GVQW3: variants seen among roughly 807,000 people sequenced by gnomAD.
GVQW3 encodes protein GVQW3.
GVQW3 carries 7 observed loss-of-function variants against 12.5 expected under a neutral mutation model. The ratio of observed to expected loss-of-function variants is 0.56; its 90% CI spans 0.32 to 1.05. The LOEUF (loss-of-function observed/expected upper bound fraction) is 1.05, where lower values mean the gene tolerates loss of function less well. GVQW3 is among the 50% of genes least tolerant of loss of function. The pLI is 0.04. For synonymous variants in GVQW3, 71 were observed against 67.2 expected (o/e 1.06, Z -0.28); for missense variants, 188 against 190.8 (o/e 0.99, Z 0.09).
At position 76,405,558 on chromosome 11, in the gene GVQW3, T is replaced by C. The variant is rs1421856069; in HGVS notation, c.*1800T>C. On this transcript the variant is annotated 3_prime_UTR_variant, in exon 2 of 2. Transcript: ENST00000529331. Reference sequence around the variant, plus strand: ...CAGACTCATTTCTTTCTGACTGAAGTCTGAGGGCTCTTTCCATTGCCATGC... The same window carrying C: ...CAGACTCATTTCTTTCTGACTGAAGCCTGAGGGCTCTTTCCATTGCCATGC... 4 of 152,192 alleles carry C rather than the reference T, an allele frequency of 2.6e-5. No homozygotes were observed. In the East Asian group the frequency reaches 7.7e-4, roughly 29 times the overall value. 9.4% of individuals were successfully genotyped at this position (152,192 alleles called of 1,614,324 possible).
chr11:76,390,020 G>A (rs1307896453), intron 1 of GVQW3: 1 of 152,146 alleles, frequency 6.6e-6, no homozygotes, highest in African/African-American at 2.4e-5. Flanking sequence ...TCATTGTGGG[G>A]TTTTAAAATG....
chr11:76,394,954 C>G (rs1946926438), intron 1 of GVQW3: 1 of 152,180 alleles, frequency 6.6e-6, no homozygotes, highest in African/African-American at 2.4e-5. Flanking sequence ...TAACACTTAA[C>G]TGAACTTTGT....
At chr11:76,398,785 A>G (rs938732938) in intron 1 of GVQW3, among the ~76,000 whole-genome samples, 12 of 152,178 alleles carry the variant, frequency 7.9e-5, no homozygotes, top group Non-Finnish European at 1.5e-5. Context: ...TTATAGACGT[A>G]TATCTATTAA....
chr11:76,398,785 A>T (rs938732938), intron 1 of GVQW3, among the ~76,000 whole-genome samples: 2 of 152,178 alleles, frequency 1.3e-5, no homozygotes, highest in Admixed American at 1.3e-4. Flanking sequence ...TTATAGACGT[A>T]TATCTATTAA....
Position 76,403,824 on chromosome 11 carries a change from A to G in GVQW3, c.*66A>G. ...ATTCCAGTCTGAGTCCACAGGCCGA[A>G]GAGCGAGGAGTGCTGATGTACAAGG... On this transcript the variant is annotated 3_prime_UTR_variant, in exon 2 of 2. Coordinates refer to ENST00000529331, the MANE Select transcript of GVQW3 (RefSeq NM_001347885.2). 1.5e-6 allele frequency: 1 copy of G among 669,074 alleles called. No individual in the cohort carries two copies. The highest frequency in any genetic ancestry group is 2.7e-6 in the Non-Finnish European group (1 of 364,092). 41.4% of individuals were successfully genotyped at this position (669,074 alleles called of 1,614,324 possible).
chr11:76,408,771 A>G (rs1947063632), downstream of GVQW3: 1 of 152,228 alleles, frequency 6.6e-6, no homozygotes. Flanking sequence ...TTACATTGGC[A>G]GGAAATGGTG....
intron 1 of GVQW3, among the ~76,000 whole-genome samples, chr11:76,384,242 A>C (rs773770128): frequency 5.9e-5 from 9 of 152,246 alleles, no homozygotes; most frequent in Non-Finnish European, 1.2e-4. Context: ...ACACTCATTC[A>C]TCACAGTTAC....
rs1590812777 is a variant in GVQW3, at chr11:76,382,548, C to T, written c.465+255C>T. On this transcript the variant is annotated intron_variant, in intron 1 of 1. Transcript: ENST00000529331. ...GGCTGCTCACGTATTTTTCAGTCTTCACCACTCCTCCCTATGTGCCATGGC... is the reference window on the plus strand; with the variant it reads ...GGCTGCTCACGTATTTTTCAGTCTTTACCACTCCTCCCTATGTGCCATGGC... The T allele has an allele frequency of 1.8e-5, 11 of 602,896 alleles. No individual in the cohort carries two copies. The East Asian group carries it at 3.0e-4, about 17-fold the overall frequency. 37.3% of individuals were successfully genotyped at this position (602,896 alleles called of 1,614,324 possible).
rs1590812190 is a variant in GVQW3 at position 76,382,143 on chromosome 11, G to A, written c.315G>A (p.Arg105=). Residue 105 remains arginine, a synonymous_variant, in exon 1 of 2, where the codon AGG becomes AGA. Coordinates refer to ENST00000529331, the MANE Select transcript of GVQW3 (RefSeq NM_001347885.2). ...EELNLDKETV[R]LILKENLNMR... is the part of the protein sequence containing the mutation. ...TAAATTTAGACAAAGAAACTGTTAG[G>A]CTCATTTTGAAAGAAAACTTGAACA... 2 of 1,536,336 alleles carry A rather than the reference G, an allele frequency of 1.3e-6. No individual in the cohort carries two copies. Among genetic ancestry groups the A allele is most frequent in the Non-Finnish European group, 1.7e-6 (2 of 1,146,956 alleles).
rs187467226 is a variant in GVQW3 at position 76,407,412 on chromosome 11, A to C, written c.*3654A>C. The C allele has an allele frequency of 1.6e-4, 24 of 151,980 alleles. No homozygotes were observed. Among genetic ancestry groups the C allele is most frequent in the African/African-American group, 5.8e-4 (24 of 41,440 alleles). The allele number at this position is 151,980 out of a possible 1,614,324, so 9.4% of individuals were successfully genotyped here. The stretch of plus-strand genomic sequence containing the variant: ...GTCAACATGGTGAAACCCCTTCTCT[A>C]CTAAAAATACAAAAATTAGCTGGGT... On this transcript the variant is annotated 3_prime_UTR_variant, in exon 2 of 2. Transcript: ENST00000529331.
intron 1 of GVQW3, among the ~76,000 whole-genome samples, chr11:76,396,914 A>T (rs1461298810): frequency 1.3e-5 from 2 of 151,782 alleles, no homozygotes; most frequent in African/African-American, 4.8e-5. Context: ...TGGAATCATA[A>T]TATGTAGCCT....
intron 1 of GVQW3, among the ~76,000 whole-genome samples, chr11:76,387,500 G>A (rs1277700474): frequency 6.6e-6 from 1 of 152,082 alleles, no homozygotes; most frequent in South Asian, 2.1e-4. Context: ...TTGGCCCATC[G>A]GCTATAGTTT....
intron 1 of GVQW3, among the ~76,000 whole-genome samples, chr11:76,399,835 A>G (rs1325278109): frequency 1.3e-5 from 2 of 152,084 alleles, no homozygotes; most frequent in Admixed American, 6.6e-5. Context: ...ACTGGAACTT[A>G]CACCACTGGC....
chr11:76,384,898 C>T (rs1946817175), intron 1 of GVQW3, among the ~76,000 whole-genome samples: 1 of 152,210 alleles, frequency 6.6e-6, no homozygotes, highest in South Asian at 2.1e-4. Flanking sequence ...GTAATCCTTG[C>T]TAAGGCCTAC....
chr11:76,404,298 T>C lies in GVQW3; in HGVS notation c.*540T>C, dbSNP rs1332148565. The C allele has an allele frequency of 2.4e-5, 7 of 287,684 alleles. No homozygotes were observed. The highest frequency in any genetic ancestry group is 8.7e-5 in the African/African-American group (4 of 46,228). The allele number at this position is 287,684 out of a possible 1,614,324, so 17.8% of individuals were successfully genotyped here. A position where few individuals can be genotyped will look rare whatever the true frequency, so the allele number is the denominator to read the frequency against. ...AAAACTGAAGCTCAGAAAGGTTGTC[T>C]AAACTGCCAAAGCCATAGAACTTTA... On this transcript the variant is annotated 3_prime_UTR_variant, in exon 2 of 2. Coordinates refer to ENST00000529331, the MANE Select transcript of GVQW3 (RefSeq NM_001347885.2).
At chr11:76,392,793 A>AT (rs1946905413) in intron 1 of GVQW3, 2 of 152,028 alleles carry the variant, frequency 1.3e-5, no homozygotes, top group Admixed American at 6.6e-5. Flanking sequence ...TCTGTCATCC[A>AT]TTTTTTCCAG....
exon 2 of GVQW3, chr11:76,413,247 C>G (rs1321548125): frequency 6.6e-6 from 1 of 152,152 alleles, no homozygotes; most frequent in African/African-American, 2.4e-5. Context: ...TACAAGGCTA[C>G]TTATTGCCAG....
intron 1 of GVQW3, among the ~76,000 whole-genome samples, chr11:76,401,392 T>C (rs1263904569): frequency 6.6e-6 from 1 of 152,192 alleles, no homozygotes; most frequent in Non-Finnish European, 1.5e-5. Flanking sequence ...TCGAGGTATT[T>C]TGATTTGCTT....
At chr11:76,397,128 C>T (rs1434061915) in intron 1 of GVQW3, among the ~76,000 whole-genome samples, 4 of 151,670 alleles carry the variant, frequency 2.6e-5, no homozygotes, top group Admixed American at 1.3e-4. Flanking sequence ...CTTAGCCTCC[C>T]GAGTAGCTGG....
Sources: gnomAD v4.1 joint callset for allele counts (sites outside exome capture counted in the v4.1 genomes callset) on GRCh38, gnomAD v4.1.1 for gene constraint, MANE v1.5 for transcripts, NCBI Gene and HGNC (gene_info 2026-07-23, HGNC 2026-07-21) for gene names.